The following LDLRAD3 variants were observed in gnomAD, a reference collection of about 807,000 sequenced individuals.
LDLRAD3 encodes low-density lipoprotein receptor class A domain-containing protein 3.
LDLRAD3 carries 20 observed loss-of-function variants against 29.4 expected under a neutral mutation model. That is an observed-to-expected ratio of 0.68 (90% CI 0.48 to 0.99). The LOEUF is 0.99. LDLRAD3 is among the 50% of genes least tolerant of loss of function. The probability of loss-of-function intolerance (pLI) is 0.00; values close to 1 mark genes in which losing one functional copy is unlikely to be tolerated. For synonymous variants in LDLRAD3, 157 were observed against 192.7 expected, an observed-to-expected ratio of 0.81 and a Z score of 1.53; for missense variants, 420 against 454.3, an observed-to-expected ratio of 0.92 and a Z score of 0.69.
In LDLRAD3 at chr11:36,090,683, G is replaced by A. The variant is rs116300722; in HGVS notation, c.320-7644G>A. Among the ~76,000 whole-genome samples the A allele has an allele frequency of 6.0e-3, 911 of 152,198 alleles. 10 individuals carry two copies. Among genetic ancestry groups the A allele is most frequent in the African/African-American group, 0.021 (872 of 41,518 alleles). On this transcript the variant is annotated intron_variant, in intron 3 of 5. Coordinates refer to ENST00000315571, the MANE Select transcript of LDLRAD3 (RefSeq NM_174902.4). ...AGGGGTTTTGAAAATTAAAATCCTC[G>A]AGTCCTTAGAGCCTGAGGAAAAGGG...
At chr11:36,195,225 A>G (rs1040274095) in intron 4 of LDLRAD3, among the ~76,000 whole-genome samples, 3 of 152,220 alleles carry the variant, frequency 2.0e-5, no homozygotes, top group Admixed American at 6.5e-5. Context: ...CAGTAGGAGT[A>G]TTTAGGATGA....
chr11:35,975,067 C>T (rs181240008), intron 1 of LDLRAD3, among the ~76,000 whole-genome samples: 59 of 152,250 alleles, frequency 3.9e-4, no homozygotes, highest in East Asian at 2.7e-3. Context: ...GACTTCATTT[C>T]GTAAGACCCT....
At chr11:36,198,663 C>T (rs927389033) in intron 4 of LDLRAD3, among the ~76,000 whole-genome samples, 23 of 152,224 alleles carry the variant, frequency 1.5e-4, no homozygotes, top group African/African-American at 5.3e-4. Context: ...TTGGCACACA[C>T]CTAGCTCTGG....
chr11:36,170,435 T>G (rs1427677932), intron 4 of LDLRAD3, among the ~76,000 whole-genome samples: 3 of 152,034 alleles, frequency 2.0e-5, no homozygotes, highest in Admixed American at 6.6e-5. Flanking sequence ...TTCCATATTT[T>G]TTCAATTGCA....
At chr11:36,105,500 G>T (rs764147080) in intron 4 of LDLRAD3, among the ~76,000 whole-genome samples, 8 of 152,056 alleles carry the variant, frequency 5.3e-5, no homozygotes, top group Non-Finnish European at 8.8e-5. Flanking sequence ...TTGGAAATAG[G>T]GTCATTGCAG....
At chr11:36,016,576 G>A (rs142515764) in intron 1 of LDLRAD3, among the ~76,000 whole-genome samples, 19 of 152,242 alleles carry the variant, frequency 1.2e-4, no homozygotes, top group African/African-American at 3.9e-4. Context: ...GGCCGCTTTC[G>A]TAAGTTCTCC....
At chr11:36,220,157 T>A (rs61881468) in intron 4 of LDLRAD3, among the ~76,000 whole-genome samples, 10,228 of 152,198 alleles carry the variant, frequency 0.067, 449 homozygotes, top group East Asian at 0.2. Flanking sequence ...AAATACCTAT[T>A]AAGATGGCTA....
At chr11:36,141,131 G>A (rs908304637) in intron 4 of LDLRAD3, among the ~76,000 whole-genome samples, 2 of 152,052 alleles carry the variant, frequency 1.3e-5, no homozygotes, top group Non-Finnish European at 2.9e-5. Context: ...TGTATGGGCT[G>A]TCATGGGGAT....
chr11:36,158,008 A>G (rs572306976), intron 4 of LDLRAD3, among the ~76,000 whole-genome samples: 1 of 152,306 alleles, frequency 6.6e-6, no homozygotes, highest in East Asian at 1.9e-4. Flanking sequence ...TATCACAAAT[A>G]TACAGATAGG....
intron 4 of LDLRAD3, among the ~76,000 whole-genome samples, chr11:36,182,449 T>A (rs1854779087): frequency 6.6e-6 from 1 of 152,234 alleles, no homozygotes; most frequent in Admixed American, 6.5e-5. Flanking sequence ...GTACAGTACC[T>A]TTGAGTGACC....
intron 4 of LDLRAD3, among the ~76,000 whole-genome samples, chr11:36,159,189 C>G (rs141185634): frequency 6.6e-6 from 1 of 152,088 alleles, no homozygotes; most frequent in Admixed American, 6.6e-5. Flanking sequence ...AGAACTTGGC[C>G]GGGTGTGGTC....
At chr11:36,065,877 G>T (rs1215022653) in intron 2 of LDLRAD3, among the ~76,000 whole-genome samples, 1 of 152,190 alleles carries the variant, frequency 6.6e-6, no homozygotes, top group Non-Finnish European at 1.5e-5. Context: ...AAACCTTTCA[G>T]AGATGCCTCT....
intron 1 of LDLRAD3, among the ~76,000 whole-genome samples, chr11:36,017,535 CTTTTT>C (rs60585852): frequency 4.6e-5 from 6 of 129,720 alleles, no homozygotes; most frequent in Non-Finnish European, 8.4e-5. Context: ...ATTTTATCAT[CTTTTT>C]TTTTTTTTTT....
intron 4 of LDLRAD3, among the ~76,000 whole-genome samples, chr11:36,189,048 G>T (rs779339532): frequency 6.6e-6 from 1 of 151,056 alleles, no homozygotes; most frequent in African/African-American, 2.4e-5. Context: ...CATTGAAATT[G>T]TACAATTTGG....
At chr11:35,966,085 G>A (rs1217042041) in intron 1 of LDLRAD3, among the ~76,000 whole-genome samples, 1 of 152,154 alleles carries the variant, frequency 6.6e-6, no homozygotes, top group Non-Finnish European at 1.5e-5. Flanking sequence ...GTATGACAAA[G>A]AAGAGTACTC....
At chr11:36,055,750 T>G (rs1401642569) in intron 2 of LDLRAD3, among the ~76,000 whole-genome samples, 1 of 152,250 alleles carries the variant, frequency 6.6e-6, no homozygotes, top group Non-Finnish European at 1.5e-5. Flanking sequence ...CTCGCTTTTC[T>G]CAGCCGTAGT....
chr11:36,050,241 C>T (rs1303381722), intron 2 of LDLRAD3, among the ~76,000 whole-genome samples: 2 of 152,220 alleles, frequency 1.3e-5, no homozygotes, highest in Non-Finnish European at 2.9e-5. Context: ...GACAAGTGAA[C>T]TGTAGCAGGA....
chr11:36,028,244 T>C (rs776117557), intron 1 of LDLRAD3, among the ~76,000 whole-genome samples: 3 of 152,194 alleles, frequency 2.0e-5, no homozygotes, highest in Non-Finnish European at 4.4e-5. Context: ...GTTCAACAGG[T>C]TCTGTTGCCT....
intron 1 of LDLRAD3, among the ~76,000 whole-genome samples, chr11:35,997,011 G>A (rs1455255712): frequency 6.6e-6 from 1 of 152,144 alleles, no homozygotes; most frequent in East Asian, 1.9e-4. Flanking sequence ...GTCAAACAAG[G>A]ACAGTGATGT....
Sources: allele counts gnomAD v4.1 joint callset (sites outside exome capture counted in the v4.1 genomes callset), GRCh38; gene constraint gnomAD v4.1.1; transcripts MANE v1.5; gene names NCBI Gene and HGNC (gene_info 2026-07-23, HGNC 2026-07-21).